The following AP2A2 variants were observed in gnomAD, a reference collection of about 807,000 sequenced individuals.
The protein encoded by AP2A2 is AP-2 complex subunit alpha-2.
Under a neutral mutation model 104.2 loss-of-function variants are expected in AP2A2, and 32 were observed. That is an observed-to-expected ratio of 0.31 (90% confidence interval 0.23 to 0.41). AP2A2 has a LOEUF of 0.41. AP2A2 is among the 10% of genes least tolerant of loss of function. AP2A2 has a pLI of 1.00. For synonymous variants in AP2A2, 539 were observed against 533.3 expected (o/e 1.01, Z -0.15); for missense variants, 912 against 1,261.0 (o/e 0.72, Z 4.19).
rs149573092 is a variant in AP2A2, at chr11:992,694, C to G, written c.1452+9C>G. On this transcript the variant is annotated intron_variant, in intron 11 of 21. Transcript: ENST00000448903. This position sits in a 1 kb window ranked among gnomAD's most constrained non-coding sequence, Gnocchi z 6.4. ...CCAAGACTGTGTTCGAGGTATGGCC[C>G]GCAGGATGGCAGGAAGGATGGGGTG... 1,407 of 1,613,598 alleles carry G rather than the reference C, an allele frequency of 8.7e-4. 7 individuals carry two copies. In the African/African-American group the frequency reaches 0.015, roughly 17 times the overall value.
Position 985,543 on chromosome 11 carries a change from T to C in AP2A2, c.923T>C (p.Val308Ala). Residue 308 changes from valine (V) to alanine (A), a missense_variant, in exon 8 of 22, where the codon GTG (valine) becomes GCG (alanine). Coordinates refer to ENST00000448903, the MANE Select transcript of AP2A2 (RefSeq NM_012305.4). Reference sequence around the variant, plus strand: ...CAGCACTCCAACGCGAAGAATGCCGTGCTCTTCGAGGCCATCAGCTTAATC... The same window carrying C: ...CAGCACTCCAACGCGAAGAATGCCGCGCTCTTCGAGGCCATCAGCTTAATC... Reference protein sequence around the residue: ...KVQHSNAKNAVLFEAISLIIH... With the variant: ...KVQHSNAKNAALFEAISLIIH... 5 of 1,613,958 alleles carry C rather than the reference T, an allele frequency of 3.1e-6. No homozygotes were observed. The highest frequency in any genetic ancestry group is 4.2e-6 in the Non-Finnish European group (5 of 1,179,900).
At chr11:1,003,654 C>T (rs1233616288) in intron 15 of AP2A2, 68 bp from the exon 16 acceptor site, 3 of 1,085,464 alleles carry the variant, frequency 2.8e-6, no homozygotes, top group Non-Finnish European at 3.9e-6. Flanking sequence ...GAGTTTTTTT[C>T]CAGAACAAAC....
chr11:984,421 C>T (rs117395861), intron 6 of AP2A2, among the ~76,000 whole-genome samples: 10,023 of 152,224 alleles, frequency 0.066, 403 homozygotes, highest in Non-Finnish European at 0.088. Context: ...TTGTACCGAG[C>T]GAGGGCTGCC....
chr11:969,200 C>T (rs1187137836), intron 2 of AP2A2, among the ~76,000 whole-genome samples: 1 of 146,596 alleles, frequency 6.8e-6, no homozygotes, highest in Non-Finnish European at 1.5e-5. Context: ...GATAGAAACT[C>T]CTGGCAATGT....
At chr11:1,004,379 A>G (rs1856131278) in intron 16 of AP2A2, among the ~76,000 whole-genome samples, 3 of 151,756 alleles carry the variant, frequency 2.0e-5, no homozygotes, top group African/African-American at 7.3e-5. Context: ...AGGCTGAGGC[A>G]GGAGAATCAC....
chr11:1,000,018 G>A lies in AP2A2; in HGVS notation c.1957-414G>A, dbSNP rs544411125. Among the ~76,000 whole-genome samples, 7 of 151,762 alleles carry A rather than the reference G, an allele frequency of 4.6e-5. No individual in the cohort carries two copies. In the South Asian group the frequency reaches 1.5e-3, roughly 32 times the overall value. ...AGATGGGGTTTCACCGTGTTAGCCAGGGTGGTCTCGATCTCCTGACCTCGT... is the reference window on the plus strand; with the variant it reads ...AGATGGGGTTTCACCGTGTTAGCCAAGGTGGTCTCGATCTCCTGACCTCGT... On this transcript the variant is annotated intron_variant, in intron 14 of 21. Coordinates refer to ENST00000448903, the MANE Select transcript of AP2A2 (RefSeq NM_012305.4).
intron 5 of AP2A2, 101 bp downstream of exon 5, chr11:977,325 G>A (rs2134654116): frequency 1.4e-6 from 2 of 1,440,062 alleles, no homozygotes; most frequent in Non-Finnish European, 1.9e-6. Context: ...GCCCAGGAGA[G>A]GCTGTCACAG....
chr11:973,109 C>G (rs1854891267), intron 4 of AP2A2, among the ~76,000 whole-genome samples: 1 of 152,242 alleles, frequency 6.6e-6, no homozygotes, highest in Admixed American at 6.5e-5. Flanking sequence ...TGCCACCCGG[C>G]TGAGCTAGGC....
In AP2A2 at chr11:981,306, C is replaced by G. The variant is rs1439327770; in HGVS notation, c.705+7C>G. On this transcript the variant is annotated splice_region_variant and intron_variant, in intron 6 of 21. Coordinates refer to ENST00000448903, the MANE Select transcript of AP2A2 (RefSeq NM_012305.4). ...TGTCTCTAGGCTAAGCAGAGTAAGT[C>G]TGTTCGTGGGGGAGCAGAAGTCAGG... 1.2e-6 allele frequency: 2 copies of G among 1,601,162 alleles called. No homozygotes were observed. Among genetic ancestry groups the G allele is most frequent in the Non-Finnish European group, 8.6e-7 (1 of 1,169,454 alleles).
At chr11:989,538 G>C (rs202159747) in intron 10 of AP2A2, among the ~76,000 whole-genome samples, 1 of 152,114 alleles carries the variant, frequency 6.6e-6, no homozygotes, top group African/African-American at 2.4e-5. Context: ...TGGCTTTTTT[G>C]GGTGTCCCTC....
chr11:998,516 A>G (rs1157002522), intron 14 of AP2A2, among the ~76,000 whole-genome samples: 1 of 152,092 alleles, frequency 6.6e-6, no homozygotes, highest in East Asian at 1.9e-4. Flanking sequence ...GTCTCAGATA[A>G]TTACAAACTA....
chr11:978,656 C>G (rs1028412311), intron 5 of AP2A2, among the ~76,000 whole-genome samples: 47 of 152,192 alleles, frequency 3.1e-4, no homozygotes, highest in African/African-American at 1.1e-3. Context: ...TGGCAGCTGT[C>G]TTTTGTGTGG....
chr11:1,011,765 A>T lies in AP2A2; in HGVS notation c.*1140A>T. The stretch of plus-strand genomic sequence containing the variant: ...GAGGGTGGGTGGCCACATGTGCTTG[A>T]GGGTTTTCACCCTGGCCCTCAGTTG... On this transcript the variant is annotated 3_prime_UTR_variant, in exon 22 of 22. Transcript: ENST00000448903. The T allele has an allele frequency of 3.1e-6, 1 of 321,680 alleles. No individual in the cohort carries two copies. Among genetic ancestry groups the T allele is most frequent in the Non-Finnish European group, 6.1e-6 (1 of 162,980 alleles). 19.9% of individuals were successfully genotyped at this position (321,680 alleles called of 1,614,324 possible).
intron 21 of AP2A2, 187 bp downstream of exon 21, chr11:1,010,004 C>A: frequency 1.5e-6 from 1 of 651,040 alleles, no homozygotes. Context: ...AGCATCATCC[C>A]TAGTGCAGTT....
intron 5 of AP2A2, among the ~76,000 whole-genome samples, chr11:977,941 A>G (rs1202055589): frequency 6.6e-6 from 1 of 152,092 alleles, no homozygotes; most frequent in Non-Finnish European, 1.5e-5. Flanking sequence ...CGTGAGCCCC[A>G]TCCTGGCGGG....
intron 2 of AP2A2, among the ~76,000 whole-genome samples, chr11:967,789 T>C (rs2134605231): frequency 6.6e-6 from 1 of 152,304 alleles, no homozygotes; most frequent in African/African-American, 2.4e-5. Context: ...GTGATCCTTT[T>C]ATGGTTTAGG....
intron 1 of AP2A2, among the ~76,000 whole-genome samples, chr11:942,908 C>T (rs909582024): frequency 1.3e-5 from 2 of 152,054 alleles, no homozygotes; most frequent in African/African-American, 4.8e-5. Flanking sequence ...GGTAGAGAGC[C>T]AGTTGTGTTT....
Position 925,893 on chromosome 11 carries a change from G to C in AP2A2, c.-129G>C. On this transcript the variant is annotated 5_prime_UTR_variant, in exon 1 of 22. Transcript: ENST00000448903. ...CCAGAAAGCGGCGCTGGGACCCTGA[G>C]GCGGCCGTGGTTAGGCGGCTCCCCG... is the stretch of plus-strand genomic sequence containing the variant. 1 of 624,516 alleles carries C rather than the reference G, an allele frequency of 1.6e-6. No individual in the cohort carries two copies. Among genetic ancestry groups the C allele is most frequent in the Non-Finnish European group, 2.3e-6 (1 of 426,782 alleles). 38.7% of individuals were successfully genotyped at this position (624,516 alleles called of 1,614,324 possible).
At chr11:971,920 G>A (rs1589979470) in intron 3 of AP2A2, 142 bp from the exon 4 acceptor site, 16 of 756,306 alleles carry the variant, frequency 2.1e-5, no homozygotes, top group South Asian at 1.9e-4. Context: ...GAGAGGCGCC[G>A]CTCCCACAGC....
Sources: allele counts gnomAD v4.1 joint callset (sites outside exome capture counted in the v4.1 genomes callset), GRCh38; gene constraint gnomAD v4.1.1; non-coding constraint Gnocchi (gnomAD v3.1); transcripts MANE v1.5; gene names NCBI Gene and HGNC (gene_info 2026-07-23, HGNC 2026-07-21).